The following OR3A2 variants were observed in gnomAD, a reference collection of about 807,000 sequenced individuals.
OR3A2 encodes the protein olfactory receptor family 3 subfamily A member 2, also known as olfactory receptor 3A2.
For synonymous variants in OR3A2, 126 were observed against 159.3 expected, an observed-to-expected ratio of 0.79 and a Z score of 1.57; for missense variants, 318 against 392.8, an observed-to-expected ratio of 0.81 and a Z score of 1.61.
intron 2 of OR3A2, among the ~76,000 whole-genome samples, chr17:3,348,923 G>C (rs981438057): frequency 3.3e-5 from 5 of 151,936 alleles, no homozygotes; most frequent in Non-Finnish European, 7.4e-5. Context: ...TTCATATCCA[G>C]CCAAACTAAG....
chr17:3,370,215 G>T (rs185619555), intron 2 of OR3A2, among the ~76,000 whole-genome samples: 107 of 152,194 alleles, frequency 7.0e-4, no homozygotes, highest in Admixed American at 2.8e-3. Context: ...ACTTGTTCTT[G>T]GTCTGTTCAG....
rs563262536 is a variant in OR3A2, at chr17:3,334,440, C to T, written c.-85+1593G>A. Among the ~76,000 whole-genome samples the T allele has an allele frequency of 2.8e-4, 43 of 152,148 alleles. No individual in the cohort carries two copies. The South Asian group carries it at 8.7e-3, about 31-fold the overall frequency. Reference sequence around the variant, plus strand: ...GGCTAATTTCACCTAACATAATGACCCCCAGTTCCATCATGTTGCTGCAAA... The same window carrying T: ...GGCTAATTTCACCTAACATAATGACTCCCAGTTCCATCATGTTGCTGCAAA... On this transcript the variant is annotated intron_variant, in intron 3 of 4. Transcript: ENST00000573491.
intron 3 of OR3A2, among the ~76,000 whole-genome samples, chr17:3,298,123 G>A (rs1483542468): frequency 1.3e-5 from 2 of 152,106 alleles, no homozygotes; most frequent in East Asian, 3.8e-4. Flanking sequence ...TGGCAATTAG[G>A]AATGGTAGAC....
intron 2 of OR3A2, among the ~76,000 whole-genome samples, chr17:3,380,463 C>A (rs1297291450): frequency 6.6e-6 from 1 of 152,156 alleles, no homozygotes; most frequent in Non-Finnish European, 1.5e-5. Context: ...ATCTAGGAAT[C>A]ATTGCCAGCT....
intron 2 of OR3A2, among the ~76,000 whole-genome samples, chr17:3,383,348 G>A (rs908016815): frequency 6.6e-6 from 1 of 152,186 alleles, no homozygotes; most frequent in African/African-American, 2.4e-5. Flanking sequence ...ATCAGAAGCT[G>A]AGGAAAAAGG....
chr17:3,351,081 T>C (rs2049416416), intron 2 of OR3A2, among the ~76,000 whole-genome samples: 1 of 151,554 alleles, frequency 6.6e-6, no homozygotes, highest in South Asian at 2.1e-4. Context: ...AATATCATAC[T>C]GAATGGGCAA....
chr17:3,370,383 T>C (rs1358773306), intron 2 of OR3A2, among the ~76,000 whole-genome samples: 22 of 152,246 alleles, frequency 1.4e-4, no homozygotes, highest in Non-Finnish European at 2.9e-5. Context: ...TCCCATTTTG[T>C]TTCTAAGTGA....
chr17:3,337,399 T>C (rs928515209), intron 2 of OR3A2, among the ~76,000 whole-genome samples: 1 of 152,190 alleles, frequency 6.6e-6, no homozygotes, highest in Non-Finnish European at 1.5e-5. Context: ...ACATTAGGTA[T>C]ATCTCCTAAT....
At chr17:3,344,396 G>A (rs1475687084) in intron 2 of OR3A2, among the ~76,000 whole-genome samples, 1 of 152,110 alleles carries the variant, frequency 6.6e-6, no homozygotes. Context: ...AGATAGCCTT[G>A]TGGTTGTAAG....
chr17:3,384,924 G>A (rs1031447332), intron 1 of OR3A2, among the ~76,000 whole-genome samples: 1 of 152,110 alleles, frequency 6.6e-6, no homozygotes, highest in Non-Finnish European at 1.5e-5. Context: ...AGGCACAGTG[G>A]CTCACGCCTG....
intron 2 of OR3A2, among the ~76,000 whole-genome samples, chr17:3,363,144 A>C (rs561984682): frequency 1.3e-5 from 2 of 151,958 alleles, no homozygotes; most frequent in African/African-American, 4.8e-5. Flanking sequence ...TTAAATATGC[A>C]AATTTCTGCA....
In OR3A2 at chr17:3,319,208, C is replaced by T. The variant is rs151097555; in HGVS notation, c.-85+16825G>A. 5.9e-3 allele frequency among the ~76,000 whole-genome samples: 894 copies of T among 152,206 alleles called. 8 individuals carry two copies. The highest frequency in any genetic ancestry group is 0.02 in the African/African-American group (821 of 41,540). ...TGCAAGGACAATCTATATGAATATA[C>T]ACTAACTTCAGTGTATTCCATATTG... On this transcript the variant is annotated intron_variant, in intron 3 of 4. Coordinates refer to the OR3A2 transcript ENST00000573491.
At chr17:3,333,363 T>A (rs146689406) in intron 3 of OR3A2, among the ~76,000 whole-genome samples, 1 of 152,184 alleles carries the variant, frequency 6.6e-6, no homozygotes. Flanking sequence ...CAGCTGAACA[T>A]AGACCCTCAT....
At chr17:3,338,429 A>T (rs1242117603) in intron 2 of OR3A2, among the ~76,000 whole-genome samples, 1 of 152,146 alleles carries the variant, frequency 6.6e-6, no homozygotes, top group African/African-American at 2.4e-5. Context: ...TCTTTAATCC[A>T]TCTTGAATTA....
intron 3 of OR3A2, among the ~76,000 whole-genome samples, chr17:3,324,990 T>A (rs1006137867): frequency 6.6e-6 from 1 of 152,092 alleles, no homozygotes; most frequent in Non-Finnish European, 1.5e-5. Flanking sequence ...ATATGCACAT[T>A]TTACTTTATG....
chr17:3,371,368 G>T (rs1266565249), intron 2 of OR3A2, among the ~76,000 whole-genome samples: 1 of 149,656 alleles, frequency 6.7e-6, no homozygotes, highest in Non-Finnish European at 1.5e-5. Context: ...TGGCCGGGCG[G>T]GGGGCTGACC....
chr17:3,355,593 G>A (rs756232757), intron 2 of OR3A2, among the ~76,000 whole-genome samples: 25 of 151,194 alleles, frequency 1.7e-4, no homozygotes, highest in Admixed American at 1.3e-4. Flanking sequence ...TTCTCTTGCA[G>A]TTTTTGTCTG....
chr17:3,342,287 T>C (rs779051275), intron 2 of OR3A2, among the ~76,000 whole-genome samples: 1 of 152,254 alleles, frequency 6.6e-6, no homozygotes. Flanking sequence ...AAAGTCATTC[T>C]CTGTCCAGCT....
rs180988863 is a variant in OR3A2, at chr17:3,323,032, T to G, written c.-85+13001A>C. Among the ~76,000 whole-genome samples, 845 of 152,272 alleles carry G rather than the reference T, an allele frequency of 5.5e-3. 13 individuals are homozygous for G. The highest frequency in any genetic ancestry group is 6.2e-3 in the Non-Finnish European group (421 of 68,026). ...GTCTCTTTGTAGGTCACTAAGGACT[T>G]GCTTTATGAATTTGGGTGCTCCTGT... On this transcript the variant is annotated intron_variant, in intron 3 of 4. Coordinates refer to the OR3A2 transcript ENST00000573491.
Sources: allele counts gnomAD v4.1 joint callset (sites outside exome capture counted in the v4.1 genomes callset), GRCh38; gene constraint gnomAD v4.1.1; transcripts MANE v1.5; gene names NCBI Gene and HGNC (gene_info 2026-07-23, HGNC 2026-07-21).